The following ABR variants were observed in gnomAD, a reference collection of about 807,000 sequenced individuals.
ABR encodes the protein ABR activator of RhoGEF and GTPase.
A neutral mutation model predicts 107.2 loss-of-function variants in ABR; 35 were observed. That is an observed-to-expected ratio of 0.33 (90% CI 0.25 to 0.43). The LOEUF is 0.43. Among genes scored for constraint, ABR ranks in the 20% least tolerant of loss-of-function variants. The pLI is 1.00. For missense variants in ABR, 815 were observed against 1,115.2 expected, an observed-to-expected ratio of 0.73 and a Z score of 3.83; for synonymous variants, 498 against 462.0, an observed-to-expected ratio of 1.08 and a Z score of -1.00.
In ABR at chr17:1,179,803, G is replaced by A. The variant is rs1449531308; in HGVS notation, c.-76C>T. 4 of 1,309,322 alleles carry A rather than the reference G, an allele frequency of 3.1e-6. No individual in the cohort carries two copies. The highest frequency in any genetic ancestry group is 3.0e-5 in the East Asian group (1 of 32,902). The allele number at this position is 1,309,322 out of a possible 1,614,324, so 81.1% of individuals were successfully genotyped here. A position where few individuals can be genotyped will look rare whatever the true frequency, so the allele number is the denominator to read the frequency against. ...AAAGGAGGGAGAGCGGGCGGGAGCC[G>A]GGGGAGGCCGAAGTTGCGAGCGCGG... is the stretch of plus-strand genomic sequence containing the variant. On this transcript the variant is annotated 5_prime_UTR_variant, in exon 1 of 23. Transcript: ENST00000302538. The surrounding 1 kb of genome is among the most constrained non-coding windows in gnomAD (Gnocchi z 4.9).
At chr17:1,130,659 T>C (rs2039785544) in intron 1 of ABR, among the ~76,000 whole-genome samples, 1 of 152,178 alleles carries the variant, frequency 6.6e-6, no homozygotes, top group South Asian at 2.1e-4. Flanking sequence ...TGTGACCTTA[T>C]TTGGAAAACA....
At chr17:1,118,076 TTCCCAGCGTTATCCCTGAGCCTGAGTC>T (rs2039123763) in intron 2 of ABR, among the ~76,000 whole-genome samples, 1 of 24,274 alleles carries the variant, frequency 4.1e-5, no homozygotes, top group Non-Finnish European at 8.4e-5. Flanking sequence ...GCCTGAGTCC[TTCCCAGCGTTATCCCTGAGCCTGAGTC>T]CTCCCCAGCG....
At chr17:1,218,900 C>A (rs1030049331) in intron 1 of ABR, among the ~76,000 whole-genome samples, 2 of 152,260 alleles carry the variant, frequency 1.3e-5, no homozygotes, top group Admixed American at 6.5e-5. Context: ...CCAAGGAAAT[C>A]GCGTTTTTCA....
chr17:1,041,356 C>G (rs970914560), intron 16 of ABR, among the ~76,000 whole-genome samples: 2 of 152,248 alleles, frequency 1.3e-5, no homozygotes, highest in African/African-American at 2.4e-5. Context: ...GCACACGTCA[C>G]AGCACCGACT....
chr17:1,096,017 GC>G (rs1232890771), intron 3 of ABR, among the ~76,000 whole-genome samples: 1 of 152,224 alleles, frequency 6.6e-6, no homozygotes, highest in African/African-American at 2.4e-5. Flanking sequence ...TCACCCTGTG[GC>G]CCCAGCGTAG....
chr17:1,021,545 C>T (rs1409535480), intron 16 of ABR, among the ~76,000 whole-genome samples: 1 of 152,248 alleles, frequency 6.6e-6, no homozygotes, highest in Non-Finnish European at 1.5e-5. Flanking sequence ...GTGGCTCACG[C>T]CTGTCATCCC....
chr17:1,124,457 C>G (rs2039498981), intron 2 of ABR, among the ~76,000 whole-genome samples: 1 of 152,232 alleles, frequency 6.6e-6, no homozygotes, highest in Non-Finnish European at 1.5e-5. Flanking sequence ...GGCAAACAAC[C>G]CCCAGAACCT....
At chr17:1,013,248 C>A in intron 16 of ABR, 84 bp from the exon 17 acceptor site, 1 of 1,307,260 alleles carries the variant, frequency 7.6e-7, no homozygotes, top group Non-Finnish European at 1.1e-6. Flanking sequence ...CTGCTCAGAG[C>A]CAGCTACACA....
At chr17:1,068,378 G>A (rs1173277867) in intron 9 of ABR, among the ~76,000 whole-genome samples, 1 of 152,226 alleles carries the variant, frequency 6.6e-6, no homozygotes, top group African/African-American at 2.4e-5. Flanking sequence ...GCCAGGGAGG[G>A]CTGAAGGGAG....
At position 1,083,477 on chromosome 17, in the gene ABR, A is replaced by G. The variant is rs552393682; in HGVS notation, c.639+43T>C. The G allele has an allele frequency of 2.8e-5, 41 of 1,475,562 alleles. No homozygotes were observed. The South Asian group carries it at 4.3e-4, about 15-fold the overall frequency. 91.4% of individuals were successfully genotyped at this position (1,475,562 alleles called of 1,614,324 possible). ...GACCAAGGGCTCTGAGCAGCCCCCA[A>G]AGCTCCTTGTCCCTCAGGGTGGCTA... On this transcript the variant is annotated intron_variant, in intron 5 of 22. Transcript: ENST00000302538.
chr17:1,117,784 TCTCCCCAGCGTTATCCCTGAGCCTGAGTC>T (rs2039092114), intron 2 of ABR, among the ~76,000 whole-genome samples: 1 of 57,398 alleles, frequency 1.7e-5, no homozygotes, highest in East Asian at 3.9e-4. Flanking sequence ...GAGCCTGAGT[TCTCCCCAGCGTTATCCCTGAGCCTGAGTC>T]CTCCCAGCGT....
chr17:1,109,143 AGGCGGGC>A, intron 2 of ABR: 7 of 603,316 alleles, frequency 1.2e-5, no homozygotes, highest in Admixed American at 2.8e-5. Context: ...AGGAGGGAGG[AGGCGGGC>A]GGGAGGGGGG....
chr17:1,100,204 C>T (rs927386346), intron 3 of ABR, among the ~76,000 whole-genome samples: 24 of 151,450 alleles, frequency 1.6e-4, no homozygotes, highest in African/African-American at 5.8e-4. Context: ...ATGGCACTAA[C>T]GGTTCCCTCA....
At chr17:1,087,420 T>C (rs1012321148) in intron 4 of ABR, among the ~76,000 whole-genome samples, 1 of 152,008 alleles carries the variant, frequency 6.6e-6, no homozygotes, top group Non-Finnish European at 1.5e-5. Context: ...GCGGGGGGCA[T>C]CTGGAAAAGC....
intron 2 of ABR, among the ~76,000 whole-genome samples, chr17:1,103,301 G>C (rs146597151): frequency 6.6e-6 from 1 of 151,992 alleles, no homozygotes; most frequent in Non-Finnish European, 1.5e-5. Flanking sequence ...AGCCCCGGGG[G>C]ACAAGATCAG....
At chr17:1,225,767 A>G (rs924666808) in intron 1 of ABR, among the ~76,000 whole-genome samples, 1 of 152,196 alleles carries the variant, frequency 6.6e-6, no homozygotes, top group African/African-American at 2.4e-5. Flanking sequence ...CGCTTTAGAA[A>G]TATGACCCAT....
rs567362732 is a variant in ABR at position 1,047,349 on chromosome 17, G to A, written c.1791+2701C>T. Among the ~76,000 whole-genome samples, 176 of 152,390 alleles carry A rather than the reference G, an allele frequency of 1.2e-3. 1 individual carries two copies. The highest frequency in any genetic ancestry group is 4.0e-3 in the African/African-American group (165 of 41,590). ...TGGGGACAGACCGTTCCGTGGCTCCGTGGGGCCCGGGTTCGTGGGAACAGC... is the reference window on the plus strand; with the variant it reads ...TGGGGACAGACCGTTCCGTGGCTCCATGGGGCCCGGGTTCGTGGGAACAGC... On this transcript the variant is annotated intron_variant, in intron 16 of 22. Coordinates refer to ENST00000302538, the MANE Select transcript of ABR (RefSeq NM_021962.5).
At chr17:1,019,018 C>T (rs1045012935) in intron 16 of ABR, among the ~76,000 whole-genome samples, 3 of 152,106 alleles carry the variant, frequency 2.0e-5, no homozygotes, top group African/African-American at 7.2e-5. Context: ...GTCCATGACC[C>T]GCAGCTGCTG....
chr17:1,125,286 G>A lies in ABR; in HGVS notation c.143C>T (p.Pro48Leu), dbSNP rs780881065. Residue 48 changes from proline (P) to leucine (L), a missense_variant, in exon 2 of 23, where the codon CCG becomes CTG. Physicochemically the swap from Pro to Leu is moderately conservative, Grantham distance 98. This residue lies in a region of ABR where 129 missense variants were observed against 124.8 expected (regional missense o/e 1.03). Transcript: ENST00000302538. ...CATGGTGGGCGACTCATCGATGTAC[G>A]GCATGGTCTCTGAGCCCTCCGGGGG... ...KGPPEGSETMPYIDESPTMSP... is the reference protein window; with the variant it reads ...KGPPEGSETMLYIDESPTMSP... The A allele has an allele frequency of 9.3e-6, 15 of 1,613,770 alleles. No individual in the cohort carries two copies. The highest frequency in any genetic ancestry group is 3.3e-5 in the Admixed American group (2 of 59,990).
Sources: allele counts gnomAD v4.1 joint callset (sites outside exome capture counted in the v4.1 genomes callset), GRCh38; gene constraint gnomAD v4.1.1; regional missense constraint gnomAD v4.1.1; non-coding constraint Gnocchi (gnomAD v3.1); transcripts MANE v1.5; gene names NCBI Gene and HGNC (gene_info 2026-07-23, HGNC 2026-07-21).